EPS15: variants seen among roughly 807,000 people sequenced by gnomAD.
The protein encoded by EPS15 is epidermal growth factor receptor substrate 15.
EPS15 carries 72 observed loss-of-function variants against 113.8 expected under a neutral mutation model. That is an observed-to-expected ratio of 0.63 (90% CI 0.52 to 0.77). The LOEUF is 0.77. Ranked by LOEUF, EPS15 falls within the 30% of genes least tolerant of loss-of-function variation. The pLI is 0.00. For missense variants in EPS15, 1,048 were observed against 1,045.8 expected (o/e 1.00, Z -0.03); for synonymous variants, 344 against 363.4 (o/e 0.95, Z 0.61).
rs1650089751 is a variant in EPS15, at chr1:51,415,166, ATAAT to A, written c.1114-5474_1114-5471del. Among the ~76,000 whole-genome samples, 4 of 152,302 alleles carry A rather than the reference ATAAT, an allele frequency of 2.6e-5. No homozygotes were observed. The South Asian group carries it at 8.3e-4, about 32-fold the overall frequency. Reference sequence around the variant, plus strand: ...TAATAAACTGAACTATTTTTCATAAATAATATTTTTAGTGAGCCACTTAAACACA... The same window carrying A: ...TAATAAACTGAACTATTTTTCATAAAATTTTTAGTGAGCCACTTAAACACA... On this transcript the variant is annotated intron_variant, in intron 13 of 24. Coordinates refer to ENST00000371733, the MANE Select transcript of EPS15 (RefSeq NM_001981.3).
At chr1:51,502,479 G>A (rs1473523577) in intron 1 of EPS15, among the ~76,000 whole-genome samples, 2 of 151,982 alleles carry the variant, frequency 1.3e-5, no homozygotes, top group Non-Finnish European at 2.9e-5. Context: ...TTATTATACT[G>A]GAGGTTCTAA....
At chr1:51,505,616 C>T (rs547243841) in intron 1 of EPS15, among the ~76,000 whole-genome samples, 61 of 152,150 alleles carry the variant, frequency 4.0e-4, no homozygotes, top group Admixed American at 7.2e-4. Flanking sequence ...TGTGAAGAGA[C>T]TAAAAACCAC....
At chr1:51,465,446 G>A (rs1317916285) in intron 5 of EPS15, 120 bp from the exon 6 acceptor site, 2 of 571,308 alleles carry the variant, frequency 3.5e-6, no homozygotes, top group Non-Finnish European at 6.2e-6. Flanking sequence ...ATGCACACAG[G>A]ACACTATTTT....
At chr1:51,402,749 C>G (rs1249491111) in intron 17 of EPS15, among the ~76,000 whole-genome samples, 1 of 151,932 alleles carries the variant, frequency 6.6e-6, no homozygotes, top group Non-Finnish European at 1.5e-5. Flanking sequence ...ATGGTGAAAC[C>G]CCGTCTCTAC....
intron 21 of EPS15, among the ~76,000 whole-genome samples, chr1:51,367,857 C>A (rs185548803): frequency 2.6e-5 from 4 of 152,202 alleles, no homozygotes; most frequent in Non-Finnish European, 4.4e-5. Flanking sequence ...TCAGGCCGGG[C>A]ACAGTGGCTC....
At chr1:51,460,999 T>C (rs1654395823) in intron 8 of EPS15, 92 bp downstream of exon 8, 1 of 824,236 alleles carries the variant, frequency 1.2e-6, no homozygotes, top group South Asian at 1.5e-5. Context: ...GATGAGAATA[T>C]AGTTTTCCTC....
intron 20 of EPS15, among the ~76,000 whole-genome samples, chr1:51,396,618 C>T (rs1357059455): frequency 6.6e-6 from 1 of 152,038 alleles, no homozygotes; most frequent in Non-Finnish European, 1.5e-5. Context: ...AGGGCATAAC[C>T]ACATGTGTGT....
chr1:51,408,392 G>A lies in EPS15; in HGVS notation c.1276-60C>T, dbSNP rs537035349. The A allele has an allele frequency of 7.0e-5, 87 of 1,247,338 alleles. No individual in the cohort carries two copies. In the African/African-American group the frequency reaches 1.1e-3, roughly 16 times the overall value. 77.3% of individuals were successfully genotyped at this position (1,247,338 alleles called of 1,614,324 possible). On this transcript the variant is annotated intron_variant, in intron 14 of 24. Transcript: ENST00000371733. Reference sequence around the variant, plus strand: ...TTAAAAGAAGAGATGTCATTAAAATGTTCCAAAATGCAATACATTTATTTG... The same window carrying A: ...TTAAAAGAAGAGATGTCATTAAAATATTCCAAAATGCAATACATTTATTTG...
intron 2 of EPS15, among the ~76,000 whole-genome samples, chr1:51,478,200 A>G (rs1643949741): frequency 1.3e-5 from 2 of 152,210 alleles, no homozygotes; most frequent in South Asian, 4.1e-4. Context: ...TCCCTTTACC[A>G]TTATGTAATG....
intron 24 of EPS15, among the ~76,000 whole-genome samples, chr1:51,357,426 A>ATATATATTT (rs1443627608): frequency 1.1e-4 from 6 of 53,538 alleles, no homozygotes; most frequent in African/African-American, 5.8e-4. Flanking sequence ...ATATATATAT[A>ATATATATTT]TTTTTTTTTT....
intron 6 of EPS15, 103 bp downstream of exon 6, chr1:51,465,158 C>A: frequency 1.5e-6 from 1 of 654,502 alleles, no homozygotes. Context: ...TTTCCCTAAA[C>A]ATGTATGAAA....
Position 51,463,700 on chromosome 1 carries a change from A to T in EPS15, c.474T>A (p.Ser158=), listed in dbSNP as rs764497263. 6.3e-7 allele frequency: 1 copy of T among 1,598,428 alleles called. No individual in the cohort carries two copies. The highest frequency in any genetic ancestry group is 8.6e-7 in the Non-Finnish European group (1 of 1,166,782). ...GDKVKPVLLN[S]KLPVDILGRV... is the part of the protein sequence containing the mutation. ...TTCCAAGGATATCCACAGGTAACTT[A>T]GAGTTGAGCAACACTGGTTTCACTT... is the stretch of plus-strand genomic sequence containing the variant. Residue 158 remains serine (S), a synonymous_variant, in exon 7 of 25, where the codon TCT becomes TCA. Coordinates refer to ENST00000371733, the MANE Select transcript of EPS15 (RefSeq NM_001981.3).
intron 1 of EPS15, among the ~76,000 whole-genome samples, chr1:51,506,199 A>C (rs1448850165): frequency 6.6e-6 from 1 of 152,180 alleles, no homozygotes; most frequent in African/African-American, 2.4e-5. Flanking sequence ...CAATGTTTAA[A>C]TATTTTATAC....
chr1:51,388,345 C>T (rs1219078649), intron 21 of EPS15, among the ~76,000 whole-genome samples: 1 of 152,144 alleles, frequency 6.6e-6, no homozygotes, highest in Non-Finnish European at 1.5e-5. Context: ...ATTTATAGCA[C>T]TAAATGCCCA....
chr1:51,452,991 G>GA (rs1653698659), intron 8 of EPS15, among the ~76,000 whole-genome samples: 1 of 152,142 alleles, frequency 6.6e-6, no homozygotes, highest in Non-Finnish European at 1.5e-5. Context: ...ACTTAACCAA[G>GA]AATTCTCCTC....
chr1:51,393,142 C>T (rs1275350264), intron 21 of EPS15, among the ~76,000 whole-genome samples: 1 of 152,158 alleles, frequency 6.6e-6, no homozygotes, highest in Non-Finnish European at 1.5e-5. Flanking sequence ...TAATTTCCAA[C>T]CCGAAAACAA....
At chr1:51,452,171 C>A (rs975691070) in intron 8 of EPS15, among the ~76,000 whole-genome samples, 4 of 152,018 alleles carry the variant, frequency 2.6e-5, no homozygotes. Flanking sequence ...AGGTGTGAGC[C>A]ACTGAGCCCA....
intron 1 of EPS15, among the ~76,000 whole-genome samples, chr1:51,515,733 A>AT (rs1162342965): frequency 6.6e-6 from 1 of 152,248 alleles, no homozygotes; most frequent in African/African-American, 2.4e-5. Context: ...CCGAAAAAAA[A>AT]GAACAAAAAA....
At chr1:51,500,439 C>T (rs1644392387) in intron 1 of EPS15, among the ~76,000 whole-genome samples, 1 of 152,152 alleles carries the variant, frequency 6.6e-6, no homozygotes, top group Non-Finnish European at 1.5e-5. Context: ...TTCTCCACGT[C>T]TTCATCAATA....
Sources: gnomAD v4.1 joint callset for allele counts (sites outside exome capture counted in the v4.1 genomes callset) on GRCh38, gnomAD v4.1.1 for gene constraint, MANE v1.5 for transcripts, NCBI Gene and HGNC (gene_info 2026-07-23, HGNC 2026-07-21) for gene names.